SFSWAP: variants seen among roughly 807,000 people sequenced by gnomAD.
SFSWAP encodes splicing factor SWAP, also known as splicing factor, suppressor of white-apricot homolog.
A neutral mutation model predicts 100.7 loss-of-function variants in SFSWAP; 17 were observed. That is an observed-to-expected ratio of 0.17 (90% CI 0.12 to 0.25). The LOEUF (loss-of-function observed/expected upper bound fraction) is 0.25, where lower values mean the gene tolerates loss of function less well. SFSWAP is among the 10% of genes least tolerant of loss of function. The pLI is 1.00. For synonymous variants in SFSWAP, 504 were observed against 510.1 expected, an observed-to-expected ratio of 0.99 and a Z score of 0.16; for missense variants, 1,005 against 1,262.6, an observed-to-expected ratio of 0.80 and a Z score of 3.09.
intron 13 of SFSWAP, among the ~76,000 whole-genome samples, chr12:131,773,041 G>T (rs1490551761): frequency 2.0e-5 from 3 of 152,086 alleles, no homozygotes; most frequent in Non-Finnish European, 4.4e-5. Context: ...TGTCCCCTTT[G>T]TCTGGAGTCT....
intron 13 of SFSWAP, among the ~76,000 whole-genome samples, chr12:131,767,892 C>T (rs1883247541): frequency 6.6e-6 from 1 of 152,140 alleles, no homozygotes; most frequent in South Asian, 2.1e-4. Flanking sequence ...AGCTACTATG[C>T]TCACTGCCTG....
chr12:131,787,790 C>T (rs527503020), intron 15 of SFSWAP, among the ~76,000 whole-genome samples: 30 of 152,320 alleles, frequency 2.0e-4, no homozygotes, highest in African/African-American at 6.5e-4. Flanking sequence ...CAGGTCCTCC[C>T]CACAGCACCC....
chr12:131,746,624 G>A (rs1234643331), intron 7 of SFSWAP, among the ~76,000 whole-genome samples: 1 of 152,182 alleles, frequency 6.6e-6, no homozygotes, highest in Non-Finnish European at 1.5e-5. Context: ...TCCTCCAGTA[G>A]TTTCCCAAGA....
intron 14 of SFSWAP, chr12:131,784,608 G>A (rs1404601383): frequency 6.6e-6 from 1 of 152,202 alleles, no homozygotes; most frequent in South Asian, 2.1e-4. Context: ...CTTTAAGAAG[G>A]CCCCTGGTCA....
intron 14 of SFSWAP, chr12:131,783,791 T>TA (rs1566055328): frequency 2.1e-4 from 14 of 67,070 alleles, no homozygotes; most frequent in South Asian, 5.6e-4. Context: ...AAAAAAACAT[T>TA]TTATATATAT....
intron 13 of SFSWAP, among the ~76,000 whole-genome samples, chr12:131,767,481 G>T (rs1883207420): frequency 6.6e-6 from 1 of 152,146 alleles, no homozygotes; most frequent in African/African-American, 2.4e-5. Flanking sequence ...CATCCTTTGA[G>T]GATTAAAGGA....
chr12:131,784,978 T>G, intron 14 of SFSWAP: 1 of 1,013,846 alleles, frequency 9.9e-7, no homozygotes. Flanking sequence ...CCAGCCGCTA[T>G]AGCTTTGAAT....
At chr12:131,726,189 C>T (rs1215236082) in intron 5 of SFSWAP, among the ~76,000 whole-genome samples, 2 of 148,014 alleles carry the variant, frequency 1.4e-5, no homozygotes, top group Non-Finnish European at 3.0e-5. Context: ...CACACACACA[C>T]ATCTTCCATT....
chr12:131,732,705 TC>T (rs989022160), intron 7 of SFSWAP, among the ~76,000 whole-genome samples: 45 of 152,362 alleles, frequency 3.0e-4, no homozygotes, highest in African/African-American at 1.1e-3. Context: ...TGTGTGATTT[TC>T]CATGCTCTGG....
Position 131,733,447 on chromosome 12 carries a change from G to A in SFSWAP, c.1081+5019G>A, listed in dbSNP as rs1191390721. Among the ~76,000 whole-genome samples the A allele has an allele frequency of 2.6e-5, 4 of 152,172 alleles. No homozygotes were observed. The highest frequency in any genetic ancestry group is 5.9e-5 in the Non-Finnish European group (4 of 68,030). Reference sequence around the variant, plus strand: ...ATTTCACGATCATAAAGCACGGCATGCATCCTGAGAGCCAGGCAGCGACGC... The same window carrying A: ...ATTTCACGATCATAAAGCACGGCATACATCCTGAGAGCCAGGCAGCGACGC... On this transcript the variant is annotated intron_variant, in intron 7 of 17. Transcript: ENST00000261674. The surrounding 1 kb of genome is among the most constrained non-coding windows in gnomAD (Gnocchi z 5.1).
In SFSWAP at chr12:131,734,105, G is replaced by A. The variant is rs550530570; in HGVS notation, c.1081+5677G>A. Among the ~76,000 whole-genome samples the A allele has an allele frequency of 4.6e-5, 7 of 152,332 alleles. No individual in the cohort carries two copies. The highest frequency in any genetic ancestry group is 1.9e-4 in the East Asian group (1 of 5,172). On this transcript the variant is annotated intron_variant, in intron 7 of 17. Coordinates refer to ENST00000261674, the MANE Select transcript of SFSWAP (RefSeq NM_004592.4). This position sits in a 1 kb window ranked among gnomAD's most constrained non-coding sequence, Gnocchi z 4.9. ...CTCAGGTGACAGTGACACCTGCAGC[G>A]GAGGCTGGGGAAGCATCAGAGCCTC... is the stretch of plus-strand genomic sequence containing the variant.
At chr12:131,766,562 C>T (rs1883136690) in intron 13 of SFSWAP, among the ~76,000 whole-genome samples, 1 of 152,242 alleles carries the variant, frequency 6.6e-6, no homozygotes, top group Non-Finnish European at 1.5e-5. Context: ...CTCTGCTTCA[C>T]GGCTGCCCTT....
intron 16 of SFSWAP, 109 bp from the exon 17 acceptor site, chr12:131,798,928 G>T: frequency 1.3e-6 from 1 of 751,768 alleles, no homozygotes; most frequent in Middle Eastern, 2.4e-4. Flanking sequence ...GATGCAGTGG[G>T]CACTTCTCAG....
chr12:131,798,091 A>G (rs749021941), intron 16 of SFSWAP, among the ~76,000 whole-genome samples: 32 of 152,340 alleles, frequency 2.1e-4, no homozygotes, highest in Non-Finnish European at 4.0e-4. Flanking sequence ...CTGTAATCCC[A>G]GCACTTTGGG....
chr12:131,732,122 C>G (rs1392835012), intron 7 of SFSWAP, among the ~76,000 whole-genome samples: 1 of 151,976 alleles, frequency 6.6e-6, no homozygotes, highest in African/African-American at 2.4e-5. Context: ...GTTGGCCAGG[C>G]TGGTCTCAAA....
At chr12:131,785,563 C>T (rs1030464343) in intron 14 of SFSWAP, 1 of 213,286 alleles carries the variant, frequency 4.7e-6, no homozygotes, top group African/African-American at 2.3e-5. Flanking sequence ...AAAATAGTAG[C>T]TTTACTGAAT....
intron 14 of SFSWAP, among the ~76,000 whole-genome samples, chr12:131,780,840 AACCTTGGGGG>A (rs1357859300): frequency 6.6e-6 from 1 of 152,138 alleles, no homozygotes; most frequent in African/African-American, 2.4e-5. Flanking sequence ...CTAAATCCCA[AACCTTGGGGG>A]ACCGATCATT....
chr12:131,738,412 T>G (rs1880246218), intron 7 of SFSWAP, among the ~76,000 whole-genome samples: 1 of 152,262 alleles, frequency 6.6e-6, no homozygotes, highest in African/African-American at 2.4e-5. Flanking sequence ...AAGCTTGTTA[T>G]CTGTGGAACA....
chr12:131,786,198 G>A (rs769046558), intron 14 of SFSWAP, among the ~76,000 whole-genome samples: 2 of 152,198 alleles, frequency 1.3e-5, no homozygotes, highest in Non-Finnish European at 2.9e-5. Context: ...GTTGCATGTT[G>A]GTTAAAAGTT....
Sources: gnomAD v4.1 joint callset for allele counts (sites outside exome capture counted in the v4.1 genomes callset) on GRCh38, gnomAD v4.1.1 for gene constraint, Gnocchi (gnomAD v3.1) non-coding constraint, MANE v1.5 for transcripts, NCBI Gene and HGNC (gene_info 2026-07-23, HGNC 2026-07-21) for gene names.